CDC25C: variants seen among roughly 807,000 people sequenced by gnomAD.
CDC25C encodes the protein cell division cycle 25C, also known as M-phase inducer phosphatase 3.
A neutral mutation model predicts 52.5 loss-of-function variants in CDC25C; 48 were observed. That is an observed-to-expected ratio of 0.91 (90% CI 0.72 to 1.16). CDC25C has a LOEUF of 1.16. Among genes scored for constraint, CDC25C ranks in the 50% most tolerant of loss-of-function variants. The pLI, the probability that CDC25C is intolerant of heterozygous loss-of-function variation, is 0.00. For synonymous variants in CDC25C, 187 were observed against 206.5 expected (o/e 0.91, Z 0.81); for missense variants, 510 against 566.1 (o/e 0.90, Z 1.01).
chr5:138,334,643 T>G (rs796805627), upstream of CDC25C, among the ~76,000 whole-genome samples: 11 of 152,224 alleles, frequency 7.2e-5, no homozygotes, highest in Admixed American at 7.2e-4. Context: ...TGAGCCACCA[T>G]GCCCAGCCAA....
chr5:138,338,056 A>G, exon 1 of CDC25C: 1 of 1,289,568 alleles, frequency 7.8e-7, no homozygotes, highest in Non-Finnish European at 1.0e-6. Context: ...GTTAGTGAGG[A>G]AACCACCCCC....
At chr5:138,321,528 T>C (rs1447087805) in intron 6 of CDC25C, among the ~76,000 whole-genome samples, 1 of 151,716 alleles carries the variant, frequency 6.6e-6, no homozygotes, top group African/African-American at 2.4e-5. Flanking sequence ...CCGAGGCAGG[T>C]GGATCACGAG....
At chr5:138,312,760 T>C (rs943094744) in intron 7 of CDC25C, among the ~76,000 whole-genome samples, 1 of 152,196 alleles carries the variant, frequency 6.6e-6, no homozygotes, top group Non-Finnish European at 1.5e-5. Context: ...GTTCTGGAGA[T>C]TGGTTACACA....
chr5:138,295,672 G>C (rs1757126146), intron 7 of CDC25C, among the ~76,000 whole-genome samples: 1 of 151,526 alleles, frequency 6.6e-6, no homozygotes, highest in Non-Finnish European at 1.5e-5. Flanking sequence ...ACACTTACAT[G>C]AAAATAAATG....
chr5:138,331,876 C>T, upstream of CDC25C: 1 of 985,694 alleles, frequency 1.0e-6, no homozygotes, highest in East Asian at 1.1e-4. Context: ...CGCCTCTAAG[C>T]TGCGTCAGCC....
intron 7 of CDC25C, among the ~76,000 whole-genome samples, chr5:138,297,012 G>A (rs1757261320): frequency 6.8e-6 from 1 of 146,952 alleles, no homozygotes; most frequent in Non-Finnish European, 1.5e-5. Context: ...GCGGGTTCAC[G>A]CCATTCTTCT....
At chr5:138,313,092 T>C (rs941916172) in intron 7 of CDC25C, among the ~76,000 whole-genome samples, 3 of 151,618 alleles carry the variant, frequency 2.0e-5, no homozygotes, top group Admixed American at 2.0e-4. Flanking sequence ...CATTTCTGCT[T>C]GGGGGCCAGG....
At chr5:138,336,003 G>A (rs1280802249), upstream of CDC25C, among the ~76,000 whole-genome samples, 1 of 151,872 alleles carries the variant, frequency 6.6e-6, no homozygotes, top group Non-Finnish European at 1.5e-5. Context: ...TTCTTGGGCT[G>A]TTTCATTTGT....
upstream of CDC25C, chr5:138,333,749 G>C (rs375195075): frequency 2.6e-5 from 4 of 152,310 alleles, no homozygotes; most frequent in African/African-American, 9.6e-5. Flanking sequence ...AGTAAGTGCA[G>C]TTGTGGGTGG....
chr5:138,321,778 A>C (rs1181745303), intron 6 of CDC25C, among the ~76,000 whole-genome samples: 9 of 144,732 alleles, frequency 6.2e-5, no homozygotes, highest in South Asian at 2.3e-4. Flanking sequence ...AAAAAAAAAA[A>C]AAAACCATGA....
At chr5:138,293,017 T>G (rs970512027) in intron 7 of CDC25C, among the ~76,000 whole-genome samples, 1 of 152,246 alleles carries the variant, frequency 6.6e-6, no homozygotes. Flanking sequence ...GGAAGGCAGC[T>G]TGATGATCAA....
chr5:138,285,415 A>G lies in CDC25C; in HGVS notation c.*277T>C. On this transcript the variant is annotated 3_prime_UTR_variant, in exon 14 of 14. Transcript: ENST00000323760. ...GTTGGCTGGCTTGTGAGAAGACATG[A>G]GGAGTTGGGAAAAGGAATGCCAGAG... The G allele has an allele frequency of 2.7e-6, 1 of 370,360 alleles. No individual in the cohort carries two copies. Among genetic ancestry groups the G allele is most frequent in the Non-Finnish European group, 4.9e-6 (1 of 204,938 alleles). The allele number at this position is 370,360 out of a possible 1,614,324, so 22.9% of individuals were successfully genotyped here.
At chr5:138,329,173 G>A (rs1760135418) in intron 3 of CDC25C, among the ~76,000 whole-genome samples, 2 of 152,102 alleles carry the variant, frequency 1.3e-5, no homozygotes, top group Non-Finnish European at 1.5e-5. Context: ...AAAGTGCTGG[G>A]ATTACAGGCA....
rs1002146652 is a variant in CDC25C at position 138,337,727 on chromosome 5, C to G, written c.13+229G>C. The G allele has an allele frequency of 1.8e-5, 6 of 335,134 alleles. No individual in the cohort carries two copies. In the Admixed American group the frequency reaches 2.2e-4, roughly 12 times the overall value. The allele number at this position is 335,134 out of a possible 1,614,324, so 20.8% of individuals were successfully genotyped here. On this transcript the variant is annotated intron_variant, in intron 1 of 5. Transcript: ENST00000510119. ...GCTGCAAGAGGGGCTCCTGGGACTCCGAGCAGGCCCTAATCCGCGCTTGGA... is the reference window on the plus strand; with the variant it reads ...GCTGCAAGAGGGGCTCCTGGGACTCGGAGCAGGCCCTAATCCGCGCTTGGA...
chr5:138,328,704 A>C (rs192186219), intron 3 of CDC25C, 175 bp from the exon 4 acceptor site: 76 of 561,776 alleles, frequency 1.4e-4, no homozygotes, highest in African/African-American at 1.3e-3. Flanking sequence ...TTTCACAGAA[A>C]CGTAAGAATT....
At chr5:138,308,154 C>A (rs1038418148) in intron 7 of CDC25C, among the ~76,000 whole-genome samples, 1 of 152,142 alleles carries the variant, frequency 6.6e-6, no homozygotes, top group Non-Finnish European at 1.5e-5. Flanking sequence ...CTGTGTTGAT[C>A]CATGGCCCAC....
intron 4 of CDC25C, among the ~76,000 whole-genome samples, chr5:138,327,450 G>A (rs1759983455): frequency 6.6e-6 from 1 of 151,660 alleles, no homozygotes; most frequent in African/African-American, 2.4e-5. Context: ...GGCCAACATG[G>A]TGAAGCCTCC....
intron 7 of CDC25C, among the ~76,000 whole-genome samples, chr5:138,307,586 A>T (rs1016918725): frequency 6.6e-6 from 1 of 152,002 alleles, no homozygotes; most frequent in Non-Finnish European, 1.5e-5. Context: ...ATGAGCCCAT[A>T]AAAGGACAAT....
intron 9 of CDC25C, among the ~76,000 whole-genome samples, chr5:138,289,871 CAAAAAA>C (rs756616111): frequency 2.5e-5 from 2 of 80,428 alleles, no homozygotes; most frequent in East Asian, 6.7e-4. Flanking sequence ...TATGAGCAGC[CAAAAAA>C]AAAAAAAAAA....
Sources: allele counts gnomAD v4.1 joint callset (sites outside exome capture counted in the v4.1 genomes callset), GRCh38; gene constraint gnomAD v4.1.1; transcripts MANE v1.5; gene names NCBI Gene and HGNC (gene_info 2026-07-23, HGNC 2026-07-21).